Variants in ZFC3H1 observed in about 807,000 individuals in gnomAD.
ZFC3H1 encodes zinc finger C3H1-type containing.
A neutral mutation model predicts 243.7 loss-of-function variants in ZFC3H1; 71 were observed. The ratio of observed to expected loss-of-function variants is 0.29; its 90% CI spans 0.24 to 0.36. ZFC3H1 has a LOEUF of 0.36. ZFC3H1 is among the 10% of genes least tolerant of loss of function. The pLI is 1.00. For synonymous variants in ZFC3H1, 838 were observed against 813.0 expected (o/e 1.03, Z -0.52); for missense variants, 1,966 against 2,317.1 (o/e 0.85, Z 3.11).
rs192652541 is a variant in ZFC3H1 at position 71,634,764 on chromosome 12, G to A, written c.2300C>T (p.Pro767Leu). 3,338 of 1,605,124 alleles carry A rather than the reference G, an allele frequency of 2.1e-3. 4 individuals are homozygous for A. The highest frequency in any genetic ancestry group is 2.6e-3 in the Non-Finnish European group (3,054 of 1,176,426). The change falls in exon 11 of 35, where the codon CCG becomes CTG. Residue 767 changes from proline to leucine, a missense_variant. Coordinates refer to ENST00000378743, the MANE Select transcript of ZFC3H1 (RefSeq NM_144982.5). ...SEKENDPLRT[P>L]EALPEEKKIE... ...CTTCTTTTCTTCAGGCAAAGCCTCC[G>A]GTGTTCGCAGAGGATCATTTTCTTT...
At chr12:71,613,154 T>C (rs1240409332) in intron 31 of ZFC3H1, among the ~76,000 whole-genome samples, 181 bp downstream of exon 31, 2 of 152,174 alleles carry the variant, frequency 1.3e-5, no homozygotes, top group African/African-American at 2.4e-5. Context: ...GACCAGAATT[T>C]TTACACTGAC....
At position 71,615,329 on chromosome 12, in the gene ZFC3H1, A is replaced by T. The variant is rs1329259243; in HGVS notation, c.5145-13T>A. On this transcript the variant is annotated splice_polypyrimidine_tract_variant and intron_variant, in intron 27 of 34. Transcript: ENST00000378743. ...ATTTAAGAGATACCTGAAAAAAAAAATCCAAATATTGTTTTAAATTACACC... is the reference window on the plus strand; with the variant it reads ...ATTTAAGAGATACCTGAAAAAAAAATTCCAAATATTGTTTTAAATTACACC... 2 of 1,551,988 alleles carry T rather than the reference A, an allele frequency of 1.3e-6. No homozygotes were observed. The highest frequency in any genetic ancestry group is 8.8e-7 in the Non-Finnish European group (1 of 1,131,106).
rs1354455256 is a variant in ZFC3H1 at position 71,630,987 on chromosome 12, C to T, written c.3471-33G>A. On this transcript the variant is annotated intron_variant, in intron 16 of 34. Transcript: ENST00000378743. Reference sequence around the variant, plus strand: ...GAAGAGAGTGAACAGGTATATTATGCCCAACAAACATTCCTCAGAAAACTA... The same window carrying T: ...GAAGAGAGTGAACAGGTATATTATGTCCAACAAACATTCCTCAGAAAACTA... 5 of 1,483,826 alleles carry T rather than the reference C, an allele frequency of 3.4e-6. No individual in the cohort carries two copies. The South Asian group carries it at 4.5e-5, about 13-fold the overall frequency. 91.9% of individuals were successfully genotyped at this position (1,483,826 alleles called of 1,614,324 possible).
chr12:71,663,739 C>G lies in ZFC3H1; in HGVS notation c.-129G>C. The G allele has an allele frequency of 8.9e-7, 1 of 1,123,678 alleles. No homozygotes were observed. The highest frequency in any genetic ancestry group is 1.3e-6 in the Non-Finnish European group (1 of 793,756). The allele number at this position is 1,123,678 out of a possible 1,614,324, so 69.6% of individuals were successfully genotyped here. On this transcript the variant is annotated 5_prime_UTR_variant, in exon 1 of 35. Coordinates refer to ENST00000378743, the MANE Select transcript of ZFC3H1 (RefSeq NM_144982.5). ...TTACCCTACTCGGACACCAAGCGGC[C>G]TCTGCTCCCCAACTTCCCCGCACCC...
At chr12:71,627,961 T>G (rs1409289808) in intron 20 of ZFC3H1, 27 bp from the exon 21 acceptor site, 2 of 1,596,834 alleles carry the variant, frequency 1.3e-6, no homozygotes, top group African/African-American at 2.7e-5. Context: ...TATTATTAGC[T>G]TCACATTTTC....
rs751612655 is a variant in ZFC3H1, at chr12:71,628,869, GA to G, written c.3946+48del. 5 of 1,528,036 alleles carry G rather than the reference GA, an allele frequency of 3.3e-6. No homozygotes were observed. In the South Asian group the frequency reaches 5.2e-5, roughly 16 times the overall value. The allele number at this position is 1,528,036 out of a possible 1,614,324, so 94.7% of individuals were successfully genotyped here. A position where few individuals can be genotyped will look rare whatever the true frequency, so the allele number is the denominator to read the frequency against. The stretch of plus-strand genomic sequence containing the variant: ...ATTAGCAAAGTGTTAAATAAAGATG[GA>G]ACACCACAATTTAATAATTCTGGAT... On this transcript the variant is annotated intron_variant, in intron 20 of 34. Coordinates refer to ENST00000378743, the MANE Select transcript of ZFC3H1 (RefSeq NM_144982.5).
At position 71,663,687 on chromosome 12, in the gene ZFC3H1, T is replaced by G. The variant is rs970503105; in HGVS notation, c.-77A>C. On this transcript the variant is annotated 5_prime_UTR_variant, in exon 1 of 35. Coordinates refer to ENST00000378743, the MANE Select transcript of ZFC3H1 (RefSeq NM_144982.5). ...CCGACAATTGCCTCGTTTCCCTTCT[T>G]TCCTAACGGACTGGGTCGGTGCGGT... 2 of 1,516,446 alleles carry G rather than the reference T, an allele frequency of 1.3e-6. No homozygotes were observed. Among genetic ancestry groups the G allele is most frequent in the Non-Finnish European group, 8.9e-7 (1 of 1,122,840 alleles). The allele number at this position is 1,516,446 out of a possible 1,614,324, so 93.9% of individuals were successfully genotyped here.
chr12:71,614,824 C>G lies in ZFC3H1; in HGVS notation c.5360+10G>C, dbSNP rs753284496. 1.2e-6 allele frequency: 2 copies of G among 1,611,102 alleles called. No individual in the cohort carries two copies. Among genetic ancestry groups the G allele is most frequent in the Non-Finnish European group, 1.7e-6 (2 of 1,178,188 alleles). On this transcript the variant is annotated intron_variant, in intron 29 of 34. Coordinates refer to ENST00000378743, the MANE Select transcript of ZFC3H1 (RefSeq NM_144982.5). ...CAAATCTCATTCTTATCAAGAAAAC[C>G]TAAACTTACTCCATCCATATCTTCT...
At chr12:71,645,101 A>G (rs1310831908) in intron 3 of ZFC3H1, 26 bp from the exon 4 acceptor site, 1 of 1,548,114 alleles carries the variant, frequency 6.5e-7, no homozygotes, top group Non-Finnish European at 8.7e-7. Flanking sequence ...AAAGAGCTAA[A>G]ATTTTTTAAT....
At chr12:71,655,007 CCAT>C (rs1171525611) in intron 2 of ZFC3H1, among the ~76,000 whole-genome samples, 1 of 152,098 alleles carries the variant, frequency 6.6e-6, no homozygotes, top group Admixed American at 6.6e-5. Flanking sequence ...AATCACAAAT[CCAT>C]CATCATACTG....
chr12:71,610,415 C>A lies in ZFC3H1; in HGVS notation c.*13G>T. On this transcript the variant is annotated 3_prime_UTR_variant, in exon 35 of 35. Transcript: ENST00000378743. ...AATTATTATAAGGACTTAGAACTGA[C>A]TGCACCCAGTGTTCAGTGATTCTTG... 6.2e-7 allele frequency: 1 copy of A among 1,611,596 alleles called. No individual in the cohort carries two copies.
chr12:71,658,056 AG>A (rs949300823), intron 1 of ZFC3H1, among the ~76,000 whole-genome samples: 5 of 152,080 alleles, frequency 3.3e-5, no homozygotes, highest in Non-Finnish European at 7.4e-5. Flanking sequence ...CCTACAGACA[AG>A]GGAAAATGTT....
intron 14 of ZFC3H1, 22 bp from the exon 15 acceptor site, chr12:71,632,536 C>G: frequency 1.3e-6 from 2 of 1,524,924 alleles, no homozygotes; most frequent in South Asian, 2.6e-5. Flanking sequence ...AAATGATACA[C>G]GTATTTTACA....
At chr12:71,630,760 A>T (rs749694289) in intron 17 of ZFC3H1, 39 bp from the exon 18 acceptor site, 1 of 1,609,346 alleles carries the variant, frequency 6.2e-7, no homozygotes. Flanking sequence ...AATCATGTAC[A>T]TATCAAAGTT....
intron 30 of ZFC3H1, 56 bp from the exon 31 acceptor site, chr12:71,613,491 A>AC: frequency 7.7e-7 from 1 of 1,306,694 alleles, no homozygotes; most frequent in Non-Finnish European, 1.1e-6. Context: ...AAATCCAATT[A>AC]CCTATGTGTT....
intron 4 of ZFC3H1, among the ~76,000 whole-genome samples, chr12:71,644,630 A>G (rs573839524): frequency 1.3e-5 from 2 of 152,290 alleles, no homozygotes; most frequent in African/African-American, 4.8e-5. Context: ...CAGTTAGCCC[A>G]ACACCGCCAA....
At chr12:71,649,995 T>C (rs1880839978) in intron 2 of ZFC3H1, among the ~76,000 whole-genome samples, 1 of 152,194 alleles carries the variant, frequency 6.6e-6, no homozygotes, top group African/African-American at 2.4e-5. Context: ...GAGACCATCC[T>C]GGCTAACATG....
chr12:71,619,955 A>G lies in ZFC3H1; in HGVS notation c.5020T>C (p.Tyr1674His), dbSNP rs1565805149. Residue 1674 changes from tyrosine to histidine, a missense_variant, in exon 26 of 35, where the codon TAT (tyrosine) becomes CAT (histidine). Transcript: ENST00000378743. ...EKNPQNAEVF[Y>H]HMCKFFILQN... ...AAGATGAAGAATTTGCACATATGATAAAAAACCTCTGCATTCTGAGGATTT... is the reference window on the plus strand; with the variant it reads ...AAGATGAAGAATTTGCACATATGATGAAAAACCTCTGCATTCTGAGGATTT... 6.3e-7 allele frequency: 1 copy of G among 1,597,864 alleles called. No individual in the cohort carries two copies. The highest frequency in any genetic ancestry group is 8.5e-7 in the Non-Finnish European group (1 of 1,170,400).
In ZFC3H1 at chr12:71,627,906, A is replaced by T. The variant is rs1222108495; in HGVS notation, c.3975T>A (p.Val1325=). 2.5e-6 allele frequency: 4 copies of T among 1,612,678 alleles called. No homozygotes were observed. In the Admixed American group the frequency reaches 6.7e-5, roughly 27 times the overall value. Residue 1325 remains valine (V), a synonymous_variant, in exon 21 of 35, where the codon GTT becomes GTA. Transcript: ENST00000378743. ...GAGTGACAACTGTATCCAGAGCTGG[A>T]ACATTTATTTGGTTCTCTGGCTGGA... ...YAFQPENQIN[V]PALDTVVTPD... is the part of the protein sequence containing the mutation.
Sources: allele counts gnomAD v4.1 joint callset (sites outside exome capture counted in the v4.1 genomes callset), GRCh38; gene constraint gnomAD v4.1.1; transcripts MANE v1.5; gene names NCBI Gene and HGNC (gene_info 2026-07-23, HGNC 2026-07-21).